The following NDST1 variants were observed in gnomAD, a reference collection of about 807,000 sequenced individuals.
NDST1 encodes the protein N-deacetylase and N-sulfotransferase 1.
Under a neutral mutation model 92.8 loss-of-function variants are expected in NDST1, and 35 were observed. The ratio of observed to expected loss-of-function variants is 0.38; its 90% CI spans 0.29 to 0.50. The LOEUF (loss-of-function observed/expected upper bound fraction) is 0.50, where lower values mean the gene tolerates loss of function less well. Among genes scored for constraint, NDST1 ranks in the 20% least tolerant of loss-of-function variants. NDST1 has a pLI of 0.94. For synonymous variants in NDST1, 493 were observed against 500.3 expected, an observed-to-expected ratio of 0.99 and a Z score of 0.19; for missense variants, 822 against 1,182.7, an observed-to-expected ratio of 0.69 and a Z score of 4.47.
At position 150,521,301 on chromosome 5, in the gene NDST1, C is replaced by T. The variant is rs199626839; in HGVS notation, c.47C>T (p.Pro16Leu). 46 of 1,612,722 alleles carry T rather than the reference C, an allele frequency of 2.9e-5. No homozygotes were observed. Among genetic ancestry groups the T allele is most frequent in the Middle Eastern group, 1.6e-4 (1 of 6,084 alleles). The part of the protein sequence containing the change: ...CLRRLCRHVS[P>L]QAVLFLLFIF... The stretch of plus-strand genomic sequence containing the variant: ...CGGAGGCTGTGTCGGCACGTGTCCC[C>T]GCAGGCTGTCCTTTTCCTGCTGTTC... The change falls in exon 2 of 15, where the codon CCG (proline) becomes CTG (leucine). Residue 16 changes from proline to leucine, a missense_variant. Transcript: ENST00000261797. The surrounding 1 kb of genome is among the most constrained non-coding windows in gnomAD (Gnocchi z 5.9).
chr5:150,537,871 C>A (rs772026876), intron 6 of NDST1, among the ~76,000 whole-genome samples: 3 of 152,210 alleles, frequency 2.0e-5, no homozygotes, highest in Admixed American at 1.3e-4. Flanking sequence ...TGTACTCTTT[C>A]CCTTTATTTC....
intron 2 of NDST1, among the ~76,000 whole-genome samples, chr5:150,522,174 G>C (rs575892304): frequency 1.5e-3 from 234 of 152,222 alleles, no homozygotes; most frequent in African/African-American, 5.5e-3. Flanking sequence ...CTTATGTGAG[G>C]TTTTGCAGCC....
upstream of NDST1, among the ~76,000 whole-genome samples, chr5:150,505,416 C>T (rs906454840): frequency 1.3e-4 from 20 of 152,186 alleles, no homozygotes; most frequent in African/African-American, 4.8e-4. Flanking sequence ...CAGACAGATG[C>T]TGGTTCGAAT....
chr5:150,522,845 G>A (rs549737196), intron 2 of NDST1, among the ~76,000 whole-genome samples: 6 of 152,356 alleles, frequency 3.9e-5, no homozygotes, highest in African/African-American at 1.4e-4. Context: ...AATAAATGAG[G>A]GGAGGAGCCA....
At chr5:150,506,016 G>C (rs761833482), upstream of NDST1, among the ~76,000 whole-genome samples, 4 of 152,194 alleles carry the variant, frequency 2.6e-5, no homozygotes, top group Non-Finnish European at 5.9e-5. Context: ...TCACAGGCAG[G>C]TTGTGTAAGA....
At chr5:150,535,945 T>C in intron 6 of NDST1, 60 bp downstream of exon 6, 1 of 1,554,652 alleles carries the variant, frequency 6.4e-7, no homozygotes. Flanking sequence ...CTGTCATGTG[T>C]GTGCATACGC....
At chr5:150,530,790 A>T (rs1485072267) in intron 3 of NDST1, among the ~76,000 whole-genome samples, 2 of 152,024 alleles carry the variant, frequency 1.3e-5, no homozygotes, top group Non-Finnish European at 2.9e-5. Context: ...GAACTCCTGG[A>T]GTCAAGTGCT....
chr5:150,516,976 AGTGTGTGTGT>A (rs56170880), intron 1 of NDST1, among the ~76,000 whole-genome samples: 8,349 of 143,714 alleles, frequency 0.058, 556 homozygotes, highest in Admixed American at 0.18. Flanking sequence ...GACATTTTCT[AGTGTGTGTGT>A]GTGTGTGTGT....
rs765878002 is a variant in NDST1 at position 150,539,214 on chromosome 5, C to T, written c.1438-14C>T. 74 of 1,608,954 alleles carry T rather than the reference C, an allele frequency of 4.6e-5. No individual in the cohort carries two copies. In the Admixed American group the frequency reaches 1.2e-3, roughly 26 times the overall value. On this transcript the variant is annotated splice_polypyrimidine_tract_variant and intron_variant, in intron 6 of 14. Coordinates refer to ENST00000261797, the MANE Select transcript of NDST1 (RefSeq NM_001543.5). Reference sequence around the variant, plus strand: ...AGAAGGCACCATAGCTCCTCTCCCCCACCCCCTCCTCAGGTTCTCCCACGG... The same window carrying T: ...AGAAGGCACCATAGCTCCTCTCCCCTACCCCCTCCTCAGGTTCTCCCACGG...
chr5:150,525,027 A>G (rs539887249), intron 2 of NDST1, among the ~76,000 whole-genome samples: 1 of 152,322 alleles, frequency 6.6e-6, no homozygotes, highest in South Asian at 2.1e-4. Context: ...AAGGTCCCCC[A>G]GGTAATGGTG....
rs1478993046 is a variant in NDST1, at chr5:150,535,016, G to A, written c.1246G>A (p.Ala416Thr). The change falls in exon 5 of 15, where the codon GCT (alanine) becomes ACT (threonine). Residue 416 changes from alanine (A) to threonine (T), a missense_variant. Coordinates refer to ENST00000261797, the MANE Select transcript of NDST1 (RefSeq NM_001543.5). ...GCAGATGGCCTTGAACAAGAAGTTC[G>A]CTGTCGTGAGTAAGATTCCTTGCAG... ...AEQMALNKKF[A>T]VEHGIPTDMG... 1.9e-6 allele frequency: 3 copies of A among 1,613,866 alleles called. No individual in the cohort carries two copies. The highest frequency in any genetic ancestry group is 2.5e-6 in the Non-Finnish European group (3 of 1,179,836).
At chr5:150,546,154 C>A (rs918210980) in intron 11 of NDST1, among the ~76,000 whole-genome samples, 1 of 152,078 alleles carries the variant, frequency 6.6e-6, no homozygotes, top group Non-Finnish European at 1.5e-5. Flanking sequence ...TGCACCACCA[C>A]GCCAGGCTAA....
At chr5:150,545,290 C>T (rs762255765) in intron 10 of NDST1, 22 bp from the exon 11 acceptor site, 10 of 1,613,954 alleles carry the variant, frequency 6.2e-6, no homozygotes, top group African/African-American at 1.3e-5. Flanking sequence ...GTCTGTGAGC[C>T]GCCTCTCTGG....
intron 6 of NDST1, among the ~76,000 whole-genome samples, chr5:150,538,940 G>A (rs1475798813): frequency 6.6e-6 from 1 of 152,232 alleles, no homozygotes; most frequent in South Asian, 2.1e-4. Context: ...GGCCAGGCAG[G>A]GGCCGTGGCT....
At chr5:150,508,659 A>T (rs531409915) in intron 1 of NDST1, among the ~76,000 whole-genome samples, 35 of 152,224 alleles carry the variant, frequency 2.3e-4, no homozygotes, top group African/African-American at 8.2e-4. Context: ...GGGCTCTCAG[A>T]TGTTGTGTTT....
chr5:150,512,958 T>C lies in NDST1; in HGVS notation c.-388+4732T>C, dbSNP rs186268102. On this transcript the variant is annotated intron_variant, in intron 1 of 14. Transcript: ENST00000261797. ...CGGGAATTACCTGTAATCCCAGCACTTTGGGAAGCCAAGGCAGGAGGATTG... is the reference window on the plus strand; with the variant it reads ...CGGGAATTACCTGTAATCCCAGCACCTTGGGAAGCCAAGGCAGGAGGATTG... Among the ~76,000 whole-genome samples the C allele has an allele frequency of 4.6e-3, 704 of 152,304 alleles. 5 individuals are homozygous for C. The highest frequency in any genetic ancestry group is 0.016 in the African/African-American group (674 of 41,570).
chr5:150,529,018 A>G (rs1006998203), intron 3 of NDST1, among the ~76,000 whole-genome samples: 1 of 152,192 alleles, frequency 6.6e-6, no homozygotes, highest in Non-Finnish European at 1.5e-5. Flanking sequence ...TCTTAAAATA[A>G]GGATGAGAGC....
intron 3 of NDST1, among the ~76,000 whole-genome samples, chr5:150,529,815 A>G (rs1754640936): frequency 6.6e-6 from 1 of 152,218 alleles, no homozygotes; most frequent in African/African-American, 2.4e-5. Context: ...TGTAAGAGGA[A>G]TTCTGAAATC....
chr5:150,539,643 TAC>T (rs1241674377), intron 7 of NDST1: 1 of 985,344 alleles, frequency 1.0e-6, no homozygotes, highest in Non-Finnish European at 1.2e-6. Flanking sequence ...TATACACACA[TAC>T]ACAGATACAC....
Sources: allele counts gnomAD v4.1 joint callset (sites outside exome capture counted in the v4.1 genomes callset), GRCh38; gene constraint gnomAD v4.1.1; non-coding constraint Gnocchi (gnomAD v3.1); transcripts MANE v1.5; gene names NCBI Gene and HGNC (gene_info 2026-07-23, HGNC 2026-07-21).